The following EPHA3 variants were observed in gnomAD, a reference collection of about 807,000 sequenced individuals.
EPHA3 encodes the protein EPH receptor A3.
In EPHA3, 42 loss-of-function variants were observed where a neutral mutation model predicts 107.1. The ratio of observed to expected loss-of-function variants is 0.39; its 90% CI spans 0.31 to 0.51. EPHA3 has a LOEUF of 0.51. EPHA3 is among the 20% of genes least tolerant of loss of function. EPHA3 has a pLI of 0.78. For synonymous variants in EPHA3, 461 were observed against 424.8 expected, an observed-to-expected ratio of 1.09 and a Z score of -1.05; for missense variants, 1,183 against 1,211.2, an observed-to-expected ratio of 0.98 and a Z score of 0.35.
intron 3 of EPHA3, among the ~76,000 whole-genome samples, chr3:89,218,740 C>T (rs1386692345): frequency 6.6e-6 from 1 of 152,132 alleles, no homozygotes; most frequent in African/African-American, 2.4e-5. Context: ...TGCTCATCAT[C>T]ATTGGCCATC....
At chr3:89,255,626 T>A (rs912720993) in intron 3 of EPHA3, among the ~76,000 whole-genome samples, 2 of 151,872 alleles carry the variant, frequency 1.3e-5, no homozygotes, top group African/African-American at 4.8e-5. Context: ...TCTGACTGGG[T>A]GAGGTGGCTC....
chr3:89,353,475 A>C (rs1469289727), intron 5 of EPHA3, among the ~76,000 whole-genome samples: 1 of 151,532 alleles, frequency 6.6e-6, no homozygotes, highest in East Asian at 1.9e-4. Flanking sequence ...CTCAACAAAC[A>C]AATGACGTCT....
chr3:89,149,735 T>C (rs1486895634), intron 2 of EPHA3, among the ~76,000 whole-genome samples: 1 of 149,224 alleles, frequency 6.7e-6, no homozygotes, highest in East Asian at 2.0e-4. Flanking sequence ...GTGGAAAATA[T>C]GAGTTGTGGG....
At chr3:89,222,977 G>A (rs2107210073) in intron 3 of EPHA3, among the ~76,000 whole-genome samples, 1 of 152,092 alleles carries the variant, frequency 6.6e-6, no homozygotes, top group South Asian at 2.1e-4. Flanking sequence ...ACAAACTTTT[G>A]TGTTGCTGTT....
At chr3:89,149,077 G>A (rs1232084955) in intron 2 of EPHA3, among the ~76,000 whole-genome samples, 4 of 151,916 alleles carry the variant, frequency 2.6e-5, no homozygotes, top group African/African-American at 9.7e-5. Flanking sequence ...AAAAATGGGA[G>A]CATGGTTTTT....
chr3:89,396,695 A>G (rs535042492), intron 6 of EPHA3, among the ~76,000 whole-genome samples: 1 of 152,312 alleles, frequency 6.6e-6, no homozygotes, highest in Admixed American at 6.5e-5. Flanking sequence ...TTAGAATCAC[A>G]GCTAGTTAGT....
chr3:89,175,081 T>C (rs539410898), intron 2 of EPHA3, among the ~76,000 whole-genome samples: 168 of 151,996 alleles, frequency 1.1e-3, no homozygotes, highest in Middle Eastern at 6.8e-3. Context: ...TTTTTTTTTT[T>C]TTTTGTAATC....
chr3:89,326,932 T>C (rs1456682850), intron 3 of EPHA3, among the ~76,000 whole-genome samples: 1 of 152,146 alleles, frequency 6.6e-6, no homozygotes, highest in Non-Finnish European at 1.5e-5. Flanking sequence ...ATGTGTTTGG[T>C]TGGACCAAGT....
At chr3:89,449,100 A>G (rs1277273256) in intron 13 of EPHA3, 125 bp from the exon 14 acceptor site, 164 of 869,868 alleles carry the variant, frequency 1.9e-4, no homozygotes, top group Non-Finnish European at 1.9e-4. Context: ...AATGTTTCAC[A>G]GAAATGCATA....
chr3:89,253,292 G>A (rs1705205967), intron 3 of EPHA3, among the ~76,000 whole-genome samples: 1 of 151,972 alleles, frequency 6.6e-6, no homozygotes, highest in African/African-American at 2.4e-5. Context: ...AATACAATAT[G>A]TTTATATTTG....
At chr3:89,270,073 A>G (rs941782064) in intron 3 of EPHA3, among the ~76,000 whole-genome samples, 7 of 151,912 alleles carry the variant, frequency 4.6e-5, no homozygotes, top group Non-Finnish European at 1.0e-4. Flanking sequence ...AGCCTACTTC[A>G]GGCAGGTAGT....
At chr3:89,255,806 T>C (rs1033447976) in intron 3 of EPHA3, among the ~76,000 whole-genome samples, 43 of 151,626 alleles carry the variant, frequency 2.8e-4, no homozygotes, top group African/African-American at 9.4e-4. Flanking sequence ...GAGGCTAAGA[T>C]AGGAGAATCG....
chr3:89,270,325 C>A (rs182370497), intron 3 of EPHA3, among the ~76,000 whole-genome samples: 32 of 152,078 alleles, frequency 2.1e-4, no homozygotes, highest in Middle Eastern at 6.8e-3. Context: ...TTACCTATGA[C>A]CTTTATACTC....
chr3:89,374,884 G>A (rs1371560698), intron 5 of EPHA3, among the ~76,000 whole-genome samples: 1 of 151,474 alleles, frequency 6.6e-6, no homozygotes, highest in African/African-American at 2.4e-5. Flanking sequence ...AGACTTCATT[G>A]AAAAAAAGTA....
chr3:89,162,927 C>T (rs1704982302), intron 2 of EPHA3, among the ~76,000 whole-genome samples: 1 of 152,210 alleles, frequency 6.6e-6, no homozygotes, highest in East Asian at 1.9e-4. Flanking sequence ...GCCGGGGCTG[C>T]AGTCCTTCAA....
chr3:89,128,795 G>A (rs139422461), intron 2 of EPHA3, among the ~76,000 whole-genome samples: 126 of 151,732 alleles, frequency 8.3e-4, no homozygotes, highest in African/African-American at 2.8e-3. Flanking sequence ...ATATTTCACA[G>A]CAACAGTCTG....
chr3:89,162,352 T>C (rs1157415820), intron 2 of EPHA3, among the ~76,000 whole-genome samples: 5 of 152,182 alleles, frequency 3.3e-5, no homozygotes, highest in Non-Finnish European at 5.9e-5. Flanking sequence ...ATTAATAATG[T>C]CCAAATAATC....
chr3:89,365,224 G>T (rs1708164957), intron 5 of EPHA3, among the ~76,000 whole-genome samples: 1 of 150,730 alleles, frequency 6.6e-6, no homozygotes, highest in African/African-American at 2.4e-5. Context: ...GAGCCAGCAT[G>T]TTGAAGACTG....
intron 2 of EPHA3, among the ~76,000 whole-genome samples, chr3:89,189,620 G>C (rs1007124472): frequency 6.6e-6 from 1 of 152,074 alleles, no homozygotes; most frequent in African/African-American, 2.4e-5. Flanking sequence ...ACTACACTAA[G>C]AGACCTAGCT....
Sources: allele counts gnomAD v4.1 joint callset (sites outside exome capture counted in the v4.1 genomes callset), GRCh38; gene constraint gnomAD v4.1.1; transcripts MANE v1.5; gene names NCBI Gene and HGNC (gene_info 2026-07-23, HGNC 2026-07-21).